The following MMP25 variants were observed in gnomAD, a reference collection of about 807,000 sequenced individuals.
The protein encoded by MMP25 is matrix metalloproteinase-25.
In MMP25, 68 loss-of-function variants were observed where a neutral mutation model predicts 62.1. That is an observed-to-expected ratio of 1.10 (90% CI 0.90 to 1.34). The LOEUF (loss-of-function observed/expected upper bound fraction) is 1.34, where lower values mean the gene tolerates loss of function less well. Among genes scored for constraint, MMP25 ranks in the 40% most tolerant of loss-of-function variants. MMP25 has a pLI of 0.00. For synonymous variants in MMP25, 407 were observed against 345.6 expected (o/e 1.18, Z -1.97); for missense variants, 942 against 792.5 (o/e 1.19, Z -2.26).
At chr16:3,055,443 C>T (rs139376626) in intron 4 of MMP25, among the ~76,000 whole-genome samples, 3 of 152,300 alleles carry the variant, frequency 2.0e-5, no homozygotes, top group South Asian at 2.1e-4. Flanking sequence ...CAGGGAAATT[C>T]GTCAGTGCGG....
intron 4 of MMP25, chr16:3,055,956 A>T: frequency 2.2e-6 from 1 of 454,800 alleles, no homozygotes; most frequent in East Asian, 7.0e-5. Flanking sequence ...CTGAATACAG[A>T]GGGAAGAGGC....
chr16:3,057,498 C>T (rs1319057093), intron 6 of MMP25, 33 bp from the exon 7 acceptor site: 1 of 1,605,910 alleles, frequency 6.2e-7, no homozygotes, highest in African/African-American at 1.3e-5. Context: ...AAAACAAACC[C>T]CCCTCTCTAC....
In MMP25 at chr16:3,050,087, G is replaced by GGCGTCGCCGGTACGCTCTGA; in HGVS notation, c.315_334dup (p.Gly112ValfsTer6). ...CTGGGGGTGGCGGGGCTGGTCAGGC[G>GGCGTCGCCGGTACGCTCTGA]GCGTCGCCGGTACGCTCTGAGCGGC... On this transcript the variant is annotated frameshift_variant, in exon 3 of 10. Transcript: ENST00000336577. LOFTEE classifies it high-confidence loss of function. 1.2e-6 allele frequency: 2 copies of GGCGTCGCCGGTACGCTCTGA among 1,611,244 alleles called. No individual in the cohort carries two copies. The highest frequency in any genetic ancestry group is 2.2e-5 in the East Asian group (1 of 44,878).
rs1210133100 is a variant in MMP25 at position 3,058,968 on chromosome 16, C to T, written c.1559C>T (p.Pro520Leu). The change falls in exon 10 of 10, where the codon CCC (proline) becomes CTC (leucine). Residue 520 changes from proline (P) to leucine (L), a missense_variant. By Grantham distance (98) the Pro-to-Leu change is moderately conservative (BLOSUM62 -3). Coordinates refer to ENST00000336577, the MANE Select transcript of MMP25 (RefSeq NM_022468.5). Reference protein sequence around the residue: ...APSSGPRAPRPPKATPVSETC... With the variant: ...APSSGPRAPRLPKATPVSETC... ...AGCTCTGGTCCCCGCGCCCCCAGGC[C>T]CCCCAAAGCGACCCCCGTGTCCGAA... 5 of 1,553,594 alleles carry T rather than the reference C, an allele frequency of 3.2e-6. 1 individual carries two copies. The African/African-American group carries it at 5.5e-5, about 17-fold the overall frequency.
At chr16:3,058,753 C>T in intron 9 of MMP25, 74 bp from the exon 10 acceptor site, 11 of 1,302,100 alleles carry the variant, frequency 8.4e-6, no homozygotes, top group African/African-American at 1.5e-5. Flanking sequence ...GGCCACCCTG[C>T]GGGGATGGGG....
At chr16:3,049,025 C>T (rs1955861130) in intron 2 of MMP25, among the ~76,000 whole-genome samples, 1 of 151,940 alleles carries the variant, frequency 6.6e-6, no homozygotes, top group African/African-American at 2.4e-5. Context: ...CCAAGCAGGT[C>T]TCGAACTCTT....
Position 3,057,160 on chromosome 16 carries a change from C to T in MMP25, c.789C>T (p.Asp263=), listed in dbSNP as rs915980854. 6.2e-7 allele frequency: 1 copy of T among 1,612,986 alleles called. No homozygotes were observed. Among genetic ancestry groups the T allele is most frequent in the Admixed American group, 1.7e-5 (1 of 59,872 alleles). ...ACCAGGGTCCGGTGGGCGACCCTGA[C>T]AAGTACCGCCTGTCTCAGGATGACC... ...PFYQGPVGDP[D]KYRLSQDDRD... is the part of the protein sequence containing the mutation. The change falls in exon 5 of 10, where the codon GAC becomes GAT. Residue 263 remains aspartate (D), a synonymous_variant. Transcript: ENST00000336577.
intron 3 of MMP25, 32 bp downstream of exon 3, chr16:3,050,176 C>G: frequency 6.3e-7 from 1 of 1,586,334 alleles, no homozygotes; most frequent in Non-Finnish European, 8.6e-7. Flanking sequence ...CACCCTGGCC[C>G]TGCCTGCTGG....
rs979400890 is a variant in MMP25, at chr16:3,058,633, C to T, written c.1381C>T (p.Pro461Ser). The T allele has an allele frequency of 1.9e-6, 3 of 1,604,834 alleles. No individual in the cohort carries two copies. Among genetic ancestry groups the T allele is most frequent in the East Asian group, 2.2e-5 (1 of 44,568 alleles). Reference protein sequence around the residue: ...PRDLSLWEGAPPSPDDVTVSN... With the variant: ...PRDLSLWEGASPSPDDVTVSN... ...CGACCTGAGCCTCTGGGAAGGCGCG[C>T]CCCCCTCCCCTGACGATGTCACCGT... The change falls in exon 9 of 10, where the codon CCC becomes TCC. Residue 461 changes from proline to serine, a missense_variant. Physicochemically the swap from Pro to Ser is moderately conservative, Grantham distance 74. Transcript: ENST00000336577.
rs906847245 is a variant in MMP25, at chr16:3,057,307, C to A, written c.839-3C>A. On this transcript the variant is annotated splice_region_variant and splice_polypyrimidine_tract_variant and intron_variant, in intron 5 of 9. Coordinates refer to ENST00000336577, the MANE Select transcript of MMP25 (RefSeq NM_022468.5). The stretch of plus-strand genomic sequence containing the variant: ...GCACACCTGCCTGACTCTTTCCTCA[C>A]AGGGAAGGCGCCCCAAACCCCATAT... The A allele has an allele frequency of 6.2e-7, 1 of 1,614,108 alleles. No homozygotes were observed. The highest frequency in any genetic ancestry group is 8.5e-7 in the Non-Finnish European group (1 of 1,179,992).
intron 4 of MMP25, among the ~76,000 whole-genome samples, chr16:3,055,555 C>A (rs1222645352): frequency 6.6e-6 from 1 of 152,170 alleles, no homozygotes; most frequent in East Asian, 1.9e-4. Context: ...TCAGTTTCCT[C>A]CTCTGTAAAA....
chr16:3,051,908 T>A (rs1423441960), intron 4 of MMP25: 1 of 152,146 alleles, frequency 6.6e-6, no homozygotes, highest in Non-Finnish European at 1.5e-5. Context: ...GTGGATCACC[T>A]GAGGTCAGGA....
chr16:3,056,588 T>A (rs1956013083), intron 4 of MMP25, among the ~76,000 whole-genome samples: 1 of 151,874 alleles, frequency 6.6e-6, no homozygotes, highest in Non-Finnish European at 1.5e-5. Context: ...ATTTTTAAAA[T>A]TTTTTTGTAG....
rs568269857 is a variant in MMP25, at chr16:3,055,798, G to C, written c.662-1235G>C. 1.1e-4 allele frequency: 49 copies of C among 454,744 alleles called. No individual in the cohort carries two copies. In the East Asian group the frequency reaches 3.3e-3, roughly 31 times the overall value. The allele number at this position is 454,744 out of a possible 1,614,324, so 28.2% of individuals were successfully genotyped here. A position where few individuals can be genotyped will look rare whatever the true frequency, so the allele number is the denominator to read the frequency against. ...GTAACTGGGGCCTCCCTGTGGTGCTGCGGGGCTGTGTCTCTGTCTTGGTCT... is the reference window on the plus strand; with the variant it reads ...GTAACTGGGGCCTCCCTGTGGTGCTCCGGGGCTGTGTCTCTGTCTTGGTCT... On this transcript the variant is annotated intron_variant, in intron 4 of 9. Coordinates refer to ENST00000336577, the MANE Select transcript of MMP25 (RefSeq NM_022468.5).
intron 2 of MMP25, among the ~76,000 whole-genome samples, chr16:3,048,691 C>T (rs565241904): frequency 2.2e-4 from 33 of 152,078 alleles, no homozygotes; most frequent in African/African-American, 7.2e-4. Context: ...AGAGCTCTGG[C>T]GAGAGGCCTC....
Position 3,058,424 on chromosome 16 carries a change from G to T in MMP25, c.1172G>T (p.Trp391Leu). 6.4e-7 allele frequency: 1 copy of T among 1,569,990 alleles called. No homozygotes were observed. The highest frequency in any genetic ancestry group is 8.6e-7 in the Non-Finnish European group (1 of 1,158,056). The change falls in exon 9 of 10, where the codon TGG becomes TTG. Residue 391 changes from tryptophan (W) to leucine (L), a missense_variant. By Grantham distance (61) the Trp-to-Leu change is moderately conservative. Coordinates refer to ENST00000336577, the MANE Select transcript of MMP25 (RefSeq NM_022468.5). ...CTCCACCCTGCAGGGCCCCAGTTCT[G>T]GGTGTTCCAGGACCGGCAGCTGGAG... ...RILLFSGPQF[W>L]VFQDRQLEGG...
At chr16:3,058,370 C>A (rs376778565) in intron 8 of MMP25, 37 bp downstream of exon 8, 231 of 1,494,354 alleles carry the variant, frequency 1.5e-4, no homozygotes, top group Non-Finnish European at 2.0e-4. Flanking sequence ...CTGGGGCCGG[C>A]GCGGGGAGCC....
In MMP25 at chr16:3,046,860, G is replaced by A; in HGVS notation, c.-58G>A. ...CCGGATCTCCTCCCCCAGGTCCCCG[G>A]GGCGGCCCCAGCCAGGCCCCCTTCG... On this transcript the variant is annotated 5_prime_UTR_variant, in exon 1 of 10. Coordinates refer to ENST00000336577, the MANE Select transcript of MMP25 (RefSeq NM_022468.5). 2.0e-6 allele frequency: 2 copies of A among 1,018,700 alleles called. No homozygotes were observed. The highest frequency in any genetic ancestry group is 2.6e-6 in the Non-Finnish European group (2 of 758,180). 63.1% of individuals were successfully genotyped at this position (1,018,700 alleles called of 1,614,324 possible).
At chr16:3,058,805 G>T (rs1389121767) in intron 9 of MMP25, 22 bp from the exon 10 acceptor site, 2 of 1,500,364 alleles carry the variant, frequency 1.3e-6, no homozygotes, top group South Asian at 1.3e-5. Flanking sequence ...GAGGGACCGG[G>T]ACTCAAGCTC....
Sources: gnomAD v4.1 joint callset for allele counts (sites outside exome capture counted in the v4.1 genomes callset) on GRCh38, gnomAD v4.1.1 for gene constraint, MANE v1.5 for transcripts, NCBI Gene and HGNC (gene_info 2026-07-23, HGNC 2026-07-21) for gene names.